Variants in DIAPH3 observed in about 807,000 individuals in gnomAD.
The protein encoded by DIAPH3 is diaphanous related formin 3.
Under a neutral mutation model 144.3 loss-of-function variants are expected in DIAPH3, and 117 were observed. That is an observed-to-expected ratio of 0.81 (90% CI 0.70 to 0.95). The LOEUF (loss-of-function observed/expected upper bound fraction) is 0.95, where lower values mean the gene tolerates loss of function less well. DIAPH3 is among the 40% of genes least tolerant of loss of function. The pLI is 0.00. For missense variants in DIAPH3, 1,421 were observed against 1,412.7 expected (o/e 1.01, Z -0.09); for synonymous variants, 519 against 488.9 (o/e 1.06, Z -0.81).
chr13:59,761,017 A>G (rs951663313), intron 27 of DIAPH3, among the ~76,000 whole-genome samples: 2 of 152,228 alleles, frequency 1.3e-5, no homozygotes, highest in African/African-American at 4.8e-5. Flanking sequence ...CTGTCACATC[A>G]CAATAAAGTA....
intron 20 of DIAPH3, among the ~76,000 whole-genome samples, chr13:59,905,446 A>G (rs2046685840): frequency 6.6e-6 from 1 of 151,848 alleles, no homozygotes; most frequent in Non-Finnish European, 1.5e-5. Context: ...CAATTTAGCA[A>G]TTCAAAGACT....
At chr13:60,146,953 T>C (rs1030098260) in intron 1 of DIAPH3, among the ~76,000 whole-genome samples, 3 of 152,230 alleles carry the variant, frequency 2.0e-5, no homozygotes, top group African/African-American at 4.8e-5. Flanking sequence ...GTTTCTGTCA[T>C]CACTGATGTT....
intron 24 of DIAPH3, among the ~76,000 whole-genome samples, chr13:59,829,474 C>T (rs1286812460): frequency 6.6e-6 from 1 of 151,838 alleles, no homozygotes; most frequent in Non-Finnish European, 1.5e-5. Flanking sequence ...AAGTCAGGAT[C>T]TCTCTATACC....
intron 27 of DIAPH3, among the ~76,000 whole-genome samples, chr13:59,720,411 T>C (rs2035283426): frequency 6.6e-6 from 1 of 152,220 alleles, no homozygotes; most frequent in Non-Finnish European, 1.5e-5. Flanking sequence ...TAGAAATTGT[T>C]ATTAAATGAA....
At chr13:60,055,871 G>A (rs899028573) in intron 4 of DIAPH3, among the ~76,000 whole-genome samples, 5 of 151,850 alleles carry the variant, frequency 3.3e-5, no homozygotes, top group Middle Eastern at 3.4e-3. Context: ...GAGAAGAAAG[G>A]GGGATGAGAG....
intron 27 of DIAPH3, among the ~76,000 whole-genome samples, chr13:59,690,591 C>T (rs905599245): frequency 1.2e-4 from 18 of 152,158 alleles, no homozygotes; most frequent in Admixed American, 1.0e-3. Context: ...TAAATAGACT[C>T]TTGAGGGCTA....
intron 20 of DIAPH3, among the ~76,000 whole-genome samples, chr13:59,895,875 G>A (rs1046373768): frequency 6.6e-6 from 1 of 152,162 alleles, no homozygotes; most frequent in African/African-American, 2.4e-5. Flanking sequence ...GATGGACAGG[G>A]GAATCCTCTC....
intron 24 of DIAPH3, among the ~76,000 whole-genome samples, chr13:59,814,771 C>G (rs947566874): frequency 7.9e-5 from 12 of 152,226 alleles, no homozygotes; most frequent in Non-Finnish European, 1.8e-4. Context: ...CCTCCAACTA[C>G]TTTCAGCTAC....
intron 17 of DIAPH3, among the ~76,000 whole-genome samples, chr13:59,951,374 T>G (rs1372815905): frequency 6.6e-6 from 1 of 152,168 alleles, no homozygotes; most frequent in Non-Finnish European, 1.5e-5. Flanking sequence ...TCCCAGGCCA[T>G]GCTGAACTGT....
At chr13:59,992,296 GA>G (rs1387368248) in intron 10 of DIAPH3, 110 bp from the exon 11 acceptor site, 47 of 1,083,832 alleles carry the variant, frequency 4.3e-5, no homozygotes, top group Non-Finnish European at 6.0e-5. Context: ...TATAGCATTC[GA>G]ACATTTAAAG....
At chr13:59,818,860 C>T (rs1435339805) in intron 24 of DIAPH3, among the ~76,000 whole-genome samples, 1 of 151,868 alleles carries the variant, frequency 6.6e-6, no homozygotes, top group Non-Finnish European at 1.5e-5. Context: ...CACCACACTT[C>T]CATTTCCATA....
intron 3 of DIAPH3, among the ~76,000 whole-genome samples, chr13:60,102,668 G>A (rs2058304538): frequency 6.6e-6 from 1 of 152,124 alleles, no homozygotes; most frequent in Admixed American, 6.6e-5. Flanking sequence ...TTCAGGTCGT[G>A]GCACTGACAC....
chr13:59,765,086 A>C (rs2037801730), intron 27 of DIAPH3, among the ~76,000 whole-genome samples: 1 of 152,174 alleles, frequency 6.6e-6, no homozygotes, highest in Non-Finnish European at 1.5e-5. Flanking sequence ...CCCAGGGACA[A>C]AAGGAGGTAA....
At chr13:59,930,314 C>A (rs1789590826) in intron 17 of DIAPH3, among the ~76,000 whole-genome samples, 1 of 152,036 alleles carries the variant, frequency 6.6e-6, no homozygotes, top group African/African-American at 2.4e-5. Flanking sequence ...ATAGAAGTGA[C>A]TATAAAATAA....
chr13:59,733,900 T>C (rs1447336647), intron 27 of DIAPH3, among the ~76,000 whole-genome samples: 9 of 152,240 alleles, frequency 5.9e-5, no homozygotes, highest in Non-Finnish European at 1.3e-4. Flanking sequence ...GTTTCTTATT[T>C]GGCCCAGGCC....
chr13:59,922,191 T>C (rs1255284132), intron 18 of DIAPH3, among the ~76,000 whole-genome samples: 3 of 151,988 alleles, frequency 2.0e-5, no homozygotes, highest in Non-Finnish European at 4.4e-5. Flanking sequence ...AACATATTAC[T>C]TGAAGTCCTA....
At chr13:60,154,187 G>A (rs960784525) in intron 1 of DIAPH3, among the ~76,000 whole-genome samples, 2 of 152,074 alleles carry the variant, frequency 1.3e-5, no homozygotes, top group Admixed American at 6.6e-5. Flanking sequence ...GGCAAAAATT[G>A]TACTATTATT....
chr13:59,774,207 G>A lies in DIAPH3; in HGVS notation c.3301C>T (p.Leu1101=). 6.2e-7 allele frequency: 1 copy of A among 1,612,740 alleles called. No individual in the cohort carries two copies. Among genetic ancestry groups the A allele is most frequent in the Non-Finnish European group, 8.5e-7 (1 of 1,179,610 alleles). Residue 1101 remains leucine, a synonymous_variant, in exon 27 of 28, where the codon CTG becomes TTG. Transcript: ENST00000400324. ...TTATTACCATGGTTACAAACTTTCA[G>A]AACAGGCCTCTGAGACATTGGACTG... ...SLSPMSQRPV[L]KVCNHENQKV...
chr13:59,905,342 CAAAAAAAAAAAAAAAA>C (rs59114311), intron 20 of DIAPH3, among the ~76,000 whole-genome samples: 2 of 69,754 alleles, frequency 2.9e-5, no homozygotes, highest in African/African-American at 1.5e-4. Context: ...GACTCTGTCT[CAAAAAAAAAAAAAAAA>C]AAAAAAAAAA....
Sources: allele counts gnomAD v4.1 joint callset (sites outside exome capture counted in the v4.1 genomes callset), GRCh38; gene constraint gnomAD v4.1.1; transcripts MANE v1.5; gene names NCBI Gene and HGNC (gene_info 2026-07-23, HGNC 2026-07-21).